CA8: variants seen among roughly 807,000 people sequenced by gnomAD.
CA8 encodes carbonic anhydrase 8 (inactive).
In CA8, 22 loss-of-function variants were observed where a neutral mutation model predicts 41.4. The observed-to-expected ratio is 0.53, with a 90% CI of 0.38 to 0.76. The LOEUF is 0.76. Among genes scored for constraint, CA8 ranks in the 30% least tolerant of loss-of-function variants. The probability of loss-of-function intolerance (pLI) is 0.00; values close to 1 mark genes in which losing one functional copy is unlikely to be tolerated. For missense variants in CA8, 270 were observed against 352.8 expected, an observed-to-expected ratio of 0.77 and a Z score of 1.88; for synonymous variants, 121 against 130.6, an observed-to-expected ratio of 0.93 and a Z score of 0.50.
chr8:60,247,763 A>T (rs1413357781), intron 3 of CA8, among the ~76,000 whole-genome samples: 1 of 152,250 alleles, frequency 6.6e-6, no homozygotes, highest in Non-Finnish European at 1.5e-5. Context: ...TCCTTTAGGT[A>T]TATACCCAGT....
intron 3 of CA8, among the ~76,000 whole-genome samples, chr8:60,235,659 G>T (rs1401143970): frequency 1.3e-5 from 2 of 152,150 alleles, no homozygotes; most frequent in African/African-American, 4.8e-5. Flanking sequence ...AAGCCACAGA[G>T]GCAGGAAAAT....
At chr8:60,249,211 A>G (rs1213703097) in intron 3 of CA8, among the ~76,000 whole-genome samples, 1 of 152,236 alleles carries the variant, frequency 6.6e-6, no homozygotes, top group African/African-American at 2.4e-5. Flanking sequence ...GGCAATCATG[A>G]GTAAACAAAG....
At chr8:60,270,195 T>C (rs993578684) in intron 2 of CA8, among the ~76,000 whole-genome samples, 5 of 152,322 alleles carry the variant, frequency 3.3e-5, no homozygotes, top group African/African-American at 1.2e-4. Flanking sequence ...TAAAGTATTA[T>C]TCGTGCAGTA....
chr8:60,206,240 G>T (rs998381380), intron 8 of CA8, among the ~76,000 whole-genome samples: 1 of 152,070 alleles, frequency 6.6e-6, no homozygotes, highest in African/African-American at 2.4e-5. Context: ...TACCTAAATT[G>T]TAATTAACTC....
At chr8:60,217,914 T>C (rs975939312) in intron 7 of CA8, among the ~76,000 whole-genome samples, 3 of 152,334 alleles carry the variant, frequency 2.0e-5, no homozygotes, top group Admixed American at 6.5e-5. Context: ...AGCATGTTTC[T>C]TGAATTCAAA....
At chr8:60,246,875 C>CTTTT (rs10567353) in intron 3 of CA8, among the ~76,000 whole-genome samples, 2 of 89,102 alleles carry the variant, frequency 2.2e-5, no homozygotes, top group Non-Finnish European at 4.0e-5. Context: ...ATAATAACCA[C>CTTTT]TTTTTTTTTT....
Position 60,202,210 on chromosome 8 carries a change from AT to A in CA8, c.*35+6539del, listed in dbSNP as rs377462858. Among the ~76,000 whole-genome samples, 920 of 139,370 alleles carry A rather than the reference AT, an allele frequency of 6.6e-3. 1 individual carries two copies. The highest frequency in any genetic ancestry group is 0.03 in the Middle Eastern group (8 of 266). The allele number at this position is 139,370 out of a possible 152,430, so 91.4% of individuals were successfully genotyped here. On this transcript the variant is annotated intron_variant, in intron 8 of 8. Transcript: ENST00000317995. ...AGGCGCCTGCCACCATTCCCAGCTA[AT>A]TTTTTTTTTTTTTTGTATTTTTAGT... is the stretch of plus-strand genomic sequence containing the variant.
At chr8:60,238,439 T>C (rs1319607777) in intron 3 of CA8, among the ~76,000 whole-genome samples, 1 of 152,158 alleles carries the variant, frequency 6.6e-6, no homozygotes, top group Non-Finnish European at 1.5e-5. Flanking sequence ...CAGGGACCTT[T>C]CCTTTCAGAT....
chr8:60,203,837 T>G (rs907747688), intron 8 of CA8, among the ~76,000 whole-genome samples: 1 of 152,190 alleles, frequency 6.6e-6, no homozygotes, highest in Non-Finnish European at 1.5e-5. Context: ...AAAATTCACT[T>G]CATTTTCCTC....
At chr8:60,267,084 C>A (rs1585926299) in intron 2 of CA8, among the ~76,000 whole-genome samples, 1 of 152,120 alleles carries the variant, frequency 6.6e-6, no homozygotes, top group Admixed American at 6.5e-5. Flanking sequence ...TCATCCTTAC[C>A]CAAAAACTCA....
At chr8:60,234,934 G>A (rs946221576) in intron 3 of CA8, among the ~76,000 whole-genome samples, 1 of 152,166 alleles carries the variant, frequency 6.6e-6, no homozygotes, top group Non-Finnish European at 1.5e-5. Context: ...GCTAATTCAA[G>A]TACCAGGCAA....
intron 3 of CA8, among the ~76,000 whole-genome samples, chr8:60,233,767 C>A (rs1807739367): frequency 6.6e-6 from 1 of 152,152 alleles, no homozygotes; most frequent in South Asian, 2.1e-4. Context: ...TGGCATTTTT[C>A]TTACTTCTCA....
chr8:60,256,922 T>G (rs1485564997), intron 3 of CA8, among the ~76,000 whole-genome samples: 1 of 152,184 alleles, frequency 6.6e-6, no homozygotes, highest in Non-Finnish European at 1.5e-5. Context: ...TTTTCTCCAT[T>G]CATACTCTCT....
chr8:60,259,474 A>C (rs1421332608), intron 3 of CA8, among the ~76,000 whole-genome samples: 1 of 152,236 alleles, frequency 6.6e-6, no homozygotes, highest in Non-Finnish European at 1.5e-5. Flanking sequence ...TGAACTACTA[A>C]AAGAAATACT....
rs777189107 is a variant in CA8 at position 60,226,947 on chromosome 8, A to T, written c.514-12T>A. On this transcript the variant is annotated splice_polypyrimidine_tract_variant and intron_variant, in intron 4 of 8. Coordinates refer to ENST00000317995, the MANE Select transcript of CA8 (RefSeq NM_004056.6). ...TGTTCCTTTCCTATCTGAAAAACAT[A>T]AAGCATAAACCACAACCACAACATT... is the stretch of plus-strand genomic sequence containing the variant. The T allele has an allele frequency of 6.5e-5, 104 of 1,590,624 alleles. No homozygotes were observed. The highest frequency in any genetic ancestry group is 8.8e-5 in the Non-Finnish European group (102 of 1,159,370).
intron 8 of CA8, chr8:60,208,087 T>C (rs922037158): frequency 6.6e-6 from 1 of 152,434 alleles, no homozygotes; most frequent in Non-Finnish European, 1.5e-5. Context: ...TTGTTTTATA[T>C]TTTATCTCTT....
At chr8:60,210,147 T>G (rs932230873) in intron 7 of CA8, among the ~76,000 whole-genome samples, 2 of 152,208 alleles carry the variant, frequency 1.3e-5, no homozygotes, top group Admixed American at 1.3e-4. Flanking sequence ...CAATTCCAAG[T>G]CTACCTGCTC....
chr8:60,235,046 C>T (rs1477140396), intron 3 of CA8, among the ~76,000 whole-genome samples: 1 of 152,196 alleles, frequency 6.6e-6, no homozygotes, highest in Non-Finnish European at 1.5e-5. Context: ...CCTGCGCTGC[C>T]TCTCAAGTTA....
At chr8:60,238,404 C>G (rs1001343486) in intron 3 of CA8, among the ~76,000 whole-genome samples, 3 of 152,188 alleles carry the variant, frequency 2.0e-5, no homozygotes, top group African/African-American at 7.2e-5. Context: ...CATACAAATT[C>G]TGTGACATCT....
Sources: gnomAD v4.1 joint callset for allele counts (sites outside exome capture counted in the v4.1 genomes callset) on GRCh38, gnomAD v4.1.1 for gene constraint, MANE v1.5 for transcripts, NCBI Gene and HGNC (gene_info 2026-07-23, HGNC 2026-07-21) for gene names.